The following BRIP1 variants were observed in gnomAD, a reference collection of about 807,000 sequenced individuals.
The protein encoded by BRIP1 is BRCA1 interacting DNA helicase 1.
Under a neutral mutation model 119.7 loss-of-function variants are expected in BRIP1, and 88 were observed. The observed-to-expected ratio is 0.74, with a 90% CI of 0.62 to 0.88. BRIP1 has a LOEUF of 0.88. Among genes scored for constraint, BRIP1 ranks in the 40% least tolerant of loss-of-function variants. The pLI is 0.00. For synonymous variants in BRIP1, 443 were observed against 496.5 expected (o/e 0.89, Z 1.43); for missense variants, 1,259 against 1,455.4 (o/e 0.87, Z 2.20).
chr17:61,772,958 T>G (rs182885426), intron 14 of BRIP1, among the ~76,000 whole-genome samples: 10 of 147,238 alleles, frequency 6.8e-5, no homozygotes, highest in Admixed American at 2.1e-4. Context: ...AAAGGAGGAG[T>G]AGTATAGTGA....
At chr17:61,731,981 C>CTTTTTTT (rs71299809) in intron 16 of BRIP1, among the ~76,000 whole-genome samples, 68 of 83,026 alleles carry the variant, frequency 8.2e-4, no homozygotes, top group Non-Finnish European at 9.8e-4. Flanking sequence ...TTCTTTCTTT[C>CTTTTTTT]TTTTTTTTTT....
intron 6 of BRIP1, among the ~76,000 whole-genome samples, chr17:61,817,986 G>T (rs1445154102): frequency 1.3e-5 from 2 of 151,962 alleles, no homozygotes; most frequent in Non-Finnish European, 2.9e-5. Flanking sequence ...CAAAATCCCA[G>T]CAAGATTTTT....
Position 61,827,878 on chromosome 17 carries a change from A to G in BRIP1, c.628-19121T>C, listed in dbSNP as rs907936106. On this transcript the variant is annotated intron_variant, in intron 6 of 19. Transcript: ENST00000259008. The surrounding 1 kb of genome is among the most constrained non-coding windows in gnomAD (Gnocchi z 5.8). Reference sequence around the variant, plus strand: ...CCACTTCACACCCTTAAAAATGGCTATTCTTTAAAAAGGACAACAAAACAG... The same window carrying G: ...CCACTTCACACCCTTAAAAATGGCTGTTCTTTAAAAAGGACAACAAAACAG... Among the ~76,000 whole-genome samples, 7 of 152,238 alleles carry G rather than the reference A, an allele frequency of 4.6e-5. No homozygotes were observed. The highest frequency in any genetic ancestry group is 4.6e-4 in the Admixed American group (7 of 15,290).
intron 10 of BRIP1, among the ~76,000 whole-genome samples, chr17:61,786,564 C>T (rs1272300844): frequency 4.8e-5 from 7 of 146,386 alleles, no homozygotes; most frequent in Non-Finnish European, 1.0e-4. Context: ...TTTCCTTAAT[C>T]CAATAAAAAT....
rs139488983 is a variant in BRIP1, at chr17:61,824,284, TG to T, written c.628-15528del. Among the ~76,000 whole-genome samples the T allele has an allele frequency of 0.023, 3,529 of 152,264 alleles. 125 individuals carry two copies. Among genetic ancestry groups the T allele is most frequent in the African/African-American group, 0.079 (3,298 of 41,552 alleles). Reference sequence around the variant, plus strand: ...GCGACGGTTCCTATCAATAACCCAATGAAGTTTCTTGCAGAAATAGAAAATA... The same window carrying T: ...GCGACGGTTCCTATCAATAACCCAATAAGTTTCTTGCAGAAATAGAAAATA... On this transcript the variant is annotated intron_variant, in intron 6 of 19. Transcript: ENST00000259008. The surrounding 1 kb of genome is among the most constrained non-coding windows in gnomAD (Gnocchi z 4.3).
intron 10 of BRIP1, among the ~76,000 whole-genome samples, chr17:61,787,665 G>A (rs2077751443): frequency 6.6e-6 from 1 of 150,794 alleles, no homozygotes; most frequent in African/African-American, 2.4e-5. Flanking sequence ...TCTTTTTTGA[G>A]ACAGAGTCTC....
chr17:61,820,223 C>T (rs1234910810), intron 6 of BRIP1, among the ~76,000 whole-genome samples: 1 of 152,156 alleles, frequency 6.6e-6, no homozygotes, highest in Non-Finnish European at 1.5e-5. Flanking sequence ...AACCACGAGA[C>T]TTCCAGTCTA....
rs1603276473 is a variant in BRIP1, at chr17:61,685,805, A to G, written c.2905+31T>C. The G allele has an allele frequency of 2.6e-6, 4 of 1,531,256 alleles. No homozygotes were observed. In the South Asian group the frequency reaches 3.4e-5, roughly 13 times the overall value. The allele number at this position is 1,531,256 out of a possible 1,614,324, so 94.9% of individuals were successfully genotyped here. A position where few individuals can be genotyped will look rare whatever the true frequency, so the allele number is the denominator to read the frequency against. On this transcript the variant is annotated intron_variant, in intron 19 of 19. Transcript: ENST00000259008. Reference sequence around the variant, plus strand: ...ACTAAATATAATGAAAGACTTCTCTATCAAAGGTAAATGGGAAGAACTTTT... The same window carrying G: ...ACTAAATATAATGAAAGACTTCTCTGTCAAAGGTAAATGGGAAGAACTTTT...
Position 61,681,303 on chromosome 17 carries a change from C to A in BRIP1, c.*1993G>T, listed in dbSNP as rs926666629. 4.8e-6 allele frequency: 1 copy of A among 206,534 alleles called. No individual in the cohort carries two copies. Among genetic ancestry groups the A allele is most frequent in the Non-Finnish European group, 9.9e-6 (1 of 101,212 alleles). 12.8% of individuals were successfully genotyped at this position (206,534 alleles called of 1,614,324 possible). A position where few individuals can be genotyped will look rare whatever the true frequency, so the allele number is the denominator to read the frequency against. On this transcript the variant is annotated 3_prime_UTR_variant, in exon 20 of 20. Coordinates refer to ENST00000259008, the MANE Select transcript of BRIP1 (RefSeq NM_032043.3). The surrounding 1 kb of genome is among the most constrained non-coding windows in gnomAD (Gnocchi z 5.1). ...ATGAAATAATATGCTTTATTTTAACCGTTCTGGAACAAAAGCAAATGAAAA... is the reference window on the plus strand; with the variant it reads ...ATGAAATAATATGCTTTATTTTAACAGTTCTGGAACAAAAGCAAATGAAAA...
chr17:61,787,992 A>T (rs1007617149), intron 10 of BRIP1, among the ~76,000 whole-genome samples: 1 of 152,146 alleles, frequency 6.6e-6, no homozygotes, highest in African/African-American at 2.4e-5. Flanking sequence ...TGGAAGTCTG[A>T]GACAGCATAG....
Position 61,743,239 on chromosome 17 carries a change from A to C in BRIP1, c.2258-105T>G, listed in dbSNP as rs1435202259. 4 of 1,339,870 alleles carry C rather than the reference A, an allele frequency of 3.0e-6. No homozygotes were observed. The highest frequency in any genetic ancestry group is 4.2e-6 in the Non-Finnish European group (4 of 955,686). The allele number at this position is 1,339,870 out of a possible 1,614,324, so 83.0% of individuals were successfully genotyped here. A position where few individuals can be genotyped will look rare whatever the true frequency, so the allele number is the denominator to read the frequency against. ...TTATAGTAATTACAGTAGCAAATTT[A>C]AAATAATCAAAATAAAACACTATTA... is the stretch of plus-strand genomic sequence containing the variant. On this transcript the variant is annotated intron_variant, in intron 15 of 19. Coordinates refer to ENST00000259008, the MANE Select transcript of BRIP1 (RefSeq NM_032043.3). The surrounding 1 kb of genome is among the most constrained non-coding windows in gnomAD (Gnocchi z 4.3).
rs1282471244 is a variant in BRIP1, at chr17:61,746,149, A to G, written c.2098-1558T>C. Among the ~76,000 whole-genome samples the G allele has an allele frequency of 6.6e-6, 1 of 152,174 alleles. No individual in the cohort carries two copies. Among genetic ancestry groups the G allele is most frequent in the Non-Finnish European group, 1.5e-5 (1 of 67,996 alleles). On this transcript the variant is annotated intron_variant, in intron 14 of 19. Coordinates refer to ENST00000259008, the MANE Select transcript of BRIP1 (RefSeq NM_032043.3). The surrounding 1 kb of genome is among the most constrained non-coding windows in gnomAD (Gnocchi z 4.9). ...TAGAAATAAACTTCTTAATAAGACTATAAAACAAAACATTAGTAAAATAGT... is the reference window on the plus strand; with the variant it reads ...TAGAAATAAACTTCTTAATAAGACTGTAAAACAAAACATTAGTAAAATAGT...
rs1465086939 is a variant in BRIP1 at position 61,774,332 on chromosome 17, A to C, written c.2097+2069T>G. 6.6e-6 allele frequency among the ~76,000 whole-genome samples: 1 copy of C among 152,180 alleles called. No homozygotes were observed. The highest frequency in any genetic ancestry group is 6.5e-5 in the Admixed American group (1 of 15,280). ...CCATCATTCTCAGCAAACTATCACA[A>C]AGACAGAAAACCAAACACCGCATGT... On this transcript the variant is annotated intron_variant, in intron 14 of 19. Coordinates refer to ENST00000259008, the MANE Select transcript of BRIP1 (RefSeq NM_032043.3). The surrounding 1 kb of genome is among the most constrained non-coding windows in gnomAD (Gnocchi z 5.8).
At chr17:61,731,759 T>C (rs763024333) in intron 16 of BRIP1, among the ~76,000 whole-genome samples, 10 of 152,148 alleles carry the variant, frequency 6.6e-5, no homozygotes, top group Non-Finnish European at 1.2e-4. Context: ...CTTTTTCTTA[T>C]AGCCTTTATC....
rs148433199 is a variant in BRIP1, at chr17:61,699,387, C to T, written c.2493-5875G>A. Among the ~76,000 whole-genome samples, 11 of 152,246 alleles carry T rather than the reference C, an allele frequency of 7.2e-5. No homozygotes were observed. In the East Asian group the frequency reaches 2.1e-3, roughly 29 times the overall value. ...TCTTTCCATTACTTTCCATTTTCTC[C>T]AATAGACACTTTCCAGTATATAATT... is the stretch of plus-strand genomic sequence containing the variant. On this transcript the variant is annotated intron_variant, in intron 17 of 19. Transcript: ENST00000259008. This position sits in a 1 kb window ranked among gnomAD's most constrained non-coding sequence, Gnocchi z 4.8.
rs1023810201 is a variant in BRIP1 at position 61,729,586 on chromosome 17, G to T, written c.2379+13427C>A. On this transcript the variant is annotated intron_variant, in intron 16 of 19. Transcript: ENST00000259008. The surrounding 1 kb of genome is among the most constrained non-coding windows in gnomAD (Gnocchi z 5.6). ...CACTGCCTGTCAGAAGCAGGGGCTA[G>T]AAGTGGGGTGCAGGCCAAAAGACTG... Among the ~76,000 whole-genome samples the T allele has an allele frequency of 5.3e-5, 8 of 152,154 alleles. No homozygotes were observed. The highest frequency in any genetic ancestry group is 9.7e-5 in the African/African-American group (4 of 41,428).
chr17:61,772,070 C>T (rs185858006), intron 14 of BRIP1, among the ~76,000 whole-genome samples: 3 of 149,790 alleles, frequency 2.0e-5, no homozygotes, highest in East Asian at 2.0e-4. Flanking sequence ...TGTACACCAG[C>T]GTTCATAGCA....
At position 61,742,510 on chromosome 17, in the gene BRIP1, T is replaced by C. The variant is rs1603303602; in HGVS notation, c.2379+503A>G. Among the ~76,000 whole-genome samples the C allele has an allele frequency of 6.6e-6, 1 of 152,160 alleles. No homozygotes were observed. The highest frequency in any genetic ancestry group is 2.4e-5 in the African/African-American group (1 of 41,418). On this transcript the variant is annotated intron_variant, in intron 16 of 19. Transcript: ENST00000259008. The surrounding 1 kb of genome is among the most constrained non-coding windows in gnomAD (Gnocchi z 4.7). ...CGCCTTTGATTTAAAGTAGGAAGCA[T>C]GCAACACTTCCTTTCACTTGAACAC... is the stretch of plus-strand genomic sequence containing the variant.
At position 61,860,177 on chromosome 17, in the gene BRIP1, A is replaced by G. The variant is rs754726190; in HGVS notation, c.94-270T>C. ...TGCAAGCATCAATGATTTCTGTAAAACCAGAATACATTACTACCTATCAAT... is the reference window on the plus strand; with the variant it reads ...TGCAAGCATCAATGATTTCTGTAAAGCCAGAATACATTACTACCTATCAAT... On this transcript the variant is annotated intron_variant, in intron 2 of 19. Coordinates refer to ENST00000259008, the MANE Select transcript of BRIP1 (RefSeq NM_032043.3). This position sits in a 1 kb window ranked among gnomAD's most constrained non-coding sequence, Gnocchi z 4.1. Among the ~76,000 whole-genome samples the G allele has an allele frequency of 8.5e-5, 13 of 152,220 alleles. No homozygotes were observed. Among genetic ancestry groups the G allele is most frequent in the Non-Finnish European group, 1.5e-4 (10 of 68,042 alleles).
Sources: gnomAD v4.1 joint callset for allele counts (sites outside exome capture counted in the v4.1 genomes callset) on GRCh38, gnomAD v4.1.1 for gene constraint, Gnocchi (gnomAD v3.1) non-coding constraint, MANE v1.5 for transcripts, NCBI Gene and HGNC (gene_info 2026-07-23, HGNC 2026-07-21) for gene names.